Variants in SMAD1 observed in about 807,000 individuals in gnomAD.
The protein encoded by SMAD1 is SMAD family member 1, also known as MAD, mothers against decapentaplegic homolog 1.
A neutral mutation model predicts 41.6 loss-of-function variants in SMAD1; 6 were observed. The ratio of observed to expected loss-of-function variants is 0.14; its 90% CI spans 0.08 to 0.28. The LOEUF is 0.28. Among genes scored for constraint, SMAD1 ranks in the 10% least tolerant of loss-of-function variants. The probability of loss-of-function intolerance (pLI) is 1.00; values close to 1 mark genes in which losing one functional copy is unlikely to be tolerated. For synonymous variants in SMAD1, 206 were observed against 203.2 expected (o/e 1.01, Z -0.12); for missense variants, 379 against 582.6 (o/e 0.65, Z 3.60).
chr4:145,495,862 GGCCTTCCAAAGT>G, intron 1 of SMAD1, among the ~76,000 whole-genome samples: 1 of 149,948 alleles, frequency 6.7e-6, no homozygotes, highest in Admixed American at 6.6e-5. Context: ...TTTCCACCTT[GGCCTTCCAAAGT>G]GCTGGGATTA....
chr4:145,541,767 C>T (rs1231945320), intron 3 of SMAD1, among the ~76,000 whole-genome samples: 1 of 152,160 alleles, frequency 6.6e-6, no homozygotes, highest in Non-Finnish European at 1.5e-5. Context: ...AAAATTTTGT[C>T]TCCAAGGCTC....
intron 1 of SMAD1, among the ~76,000 whole-genome samples, chr4:145,494,484 G>C (rs1360031249): frequency 6.6e-6 from 1 of 152,178 alleles, no homozygotes; most frequent in Non-Finnish European, 1.5e-5. Flanking sequence ...TCTTTAGACT[G>C]AGTTCCTCGA....
chr4:145,507,374 T>G (rs761219582), intron 1 of SMAD1, among the ~76,000 whole-genome samples: 9 of 152,106 alleles, frequency 5.9e-5, no homozygotes, highest in Non-Finnish European at 2.9e-5. Flanking sequence ...ACCAACCATT[T>G]TATGTTCTGC....
chr4:145,492,080 A>G (rs951905688), intron 1 of SMAD1, among the ~76,000 whole-genome samples: 1 of 152,208 alleles, frequency 6.6e-6, no homozygotes, highest in Non-Finnish European at 1.5e-5. Context: ...AATAGGGGTC[A>G]TGGGTTTTCT....
chr4:145,539,658 C>A (rs1731806992), intron 2 of SMAD1, 146 bp from the exon 3 acceptor site: 4 of 745,142 alleles, frequency 5.4e-6, no homozygotes, highest in Non-Finnish European at 8.6e-6. Flanking sequence ...AATAGCTTTT[C>A]ATTTGAATGA....
intron 5 of SMAD1, among the ~76,000 whole-genome samples, chr4:145,548,110 C>T (rs897369837): frequency 1.3e-5 from 2 of 152,300 alleles, no homozygotes; most frequent in Non-Finnish European, 2.9e-5. Context: ...ACTCATGGGG[C>T]ATGCCTCAGG....
chr4:145,535,301 C>T (rs1578805143), intron 2 of SMAD1, among the ~76,000 whole-genome samples: 1 of 152,178 alleles, frequency 6.6e-6, no homozygotes, highest in Non-Finnish European at 1.5e-5. Context: ...GTTATATATA[C>T]ATTTACCCAT....
intron 1 of SMAD1, chr4:145,503,967 T>C (rs1288571573): frequency 1.3e-5 from 2 of 152,198 alleles, no homozygotes; most frequent in African/African-American, 4.8e-5. Flanking sequence ...CGACCCTGAA[T>C]TGGAATAATT....
chr4:145,508,124 T>C (rs954908142), intron 1 of SMAD1, among the ~76,000 whole-genome samples: 2 of 151,738 alleles, frequency 1.3e-5, no homozygotes, highest in African/African-American at 2.4e-5. Flanking sequence ...AATCTTTCTG[T>C]ATTGAAGATA....
chr4:145,502,562 C>T (rs1412833577), intron 1 of SMAD1, among the ~76,000 whole-genome samples: 1 of 152,180 alleles, frequency 6.6e-6, no homozygotes, highest in African/African-American at 2.4e-5. Context: ...CTAGATTTGT[C>T]AGGATGGAAG....
chr4:145,492,265 A>T (rs1250499105), intron 1 of SMAD1, among the ~76,000 whole-genome samples: 2 of 152,164 alleles, frequency 1.3e-5, no homozygotes, highest in Admixed American at 6.5e-5. Flanking sequence ...GATCCCACAG[A>T]TTGAAGGTTC....
chr4:145,506,273 A>G (rs1189544012), intron 1 of SMAD1, among the ~76,000 whole-genome samples: 1 of 152,230 alleles, frequency 6.6e-6, no homozygotes, highest in East Asian at 1.9e-4. Flanking sequence ...TCTTTGTGCC[A>G]TGATTTTTTA....
At chr4:145,540,656 G>C (rs967626523) in intron 3 of SMAD1, among the ~76,000 whole-genome samples, 2 of 151,570 alleles carry the variant, frequency 1.3e-5, no homozygotes, top group Non-Finnish European at 2.9e-5. Context: ...CATAACTGTT[G>C]GTGTAATGGT....
At chr4:145,492,159 G>C (rs1486498067) in intron 1 of SMAD1, among the ~76,000 whole-genome samples, 1 of 152,114 alleles carries the variant, frequency 6.6e-6, no homozygotes, top group Non-Finnish European at 1.5e-5. Context: ...AAATACTTTT[G>C]TGACTAAATG....
At chr4:145,539,375 A>C (rs1731793599) in intron 2 of SMAD1, among the ~76,000 whole-genome samples, 1 of 152,216 alleles carries the variant, frequency 6.6e-6, no homozygotes, top group East Asian at 1.9e-4. Flanking sequence ...CTTGTGGTGA[A>C]TAATTCATAT....
chr4:145,512,228 T>C (rs2126396405), intron 1 of SMAD1, among the ~76,000 whole-genome samples: 1 of 152,328 alleles, frequency 6.6e-6, no homozygotes, highest in East Asian at 1.9e-4. Context: ...AATTTGTGGA[T>C]TTCTCTGTAT....
At chr4:145,540,405 T>C (rs957745251) in intron 3 of SMAD1, among the ~76,000 whole-genome samples, 11 of 152,278 alleles carry the variant, frequency 7.2e-5, no homozygotes, top group South Asian at 2.1e-4. Flanking sequence ...TTTGCTCTTA[T>C]GAGAACACAA....
At chr4:145,505,303 T>A (rs988765778) in intron 1 of SMAD1, among the ~76,000 whole-genome samples, 8 of 152,214 alleles carry the variant, frequency 5.3e-5, no homozygotes, top group Non-Finnish European at 1.2e-4. Context: ...AATTGGATGT[T>A]AGGATAGATG....
At chr4:145,526,246 CAT>C (rs1324496070) in intron 2 of SMAD1, among the ~76,000 whole-genome samples, 2 of 152,140 alleles carry the variant, frequency 1.3e-5, no homozygotes, top group Non-Finnish European at 2.9e-5. Context: ...TAAAAATAAA[CAT>C]ATAAATAACA....
Sources: gnomAD v4.1 joint callset for allele counts (sites outside exome capture counted in the v4.1 genomes callset) on GRCh38, gnomAD v4.1.1 for gene constraint, MANE v1.5 for transcripts, NCBI Gene and HGNC (gene_info 2026-07-23, HGNC 2026-07-21) for gene names.